GALNT10: variants seen among roughly 807,000 people sequenced by gnomAD.
GALNT10 encodes the protein GalNAc transferase 10.
In GALNT10, 41 loss-of-function variants were observed where a neutral mutation model predicts 75.0. The observed-to-expected ratio is 0.55, with a 90% CI of 0.43 to 0.71. The LOEUF (loss-of-function observed/expected upper bound fraction) is 0.71. Among genes scored for constraint, GALNT10 ranks in the 30% least tolerant of loss-of-function variants. The pLI, the probability that GALNT10 is intolerant of heterozygous loss-of-function variation, is 0.00. For synonymous variants in GALNT10, 302 were observed against 313.0 expected, an observed-to-expected ratio of 0.96 and a Z score of 0.37; for missense variants, 727 against 818.5, an observed-to-expected ratio of 0.89 and a Z score of 1.36.
In GALNT10 at chr5:154,253,785, TTCTC is replaced by T. The variant is rs1477941310; in HGVS notation, c.160-41026_160-41023del. On this transcript the variant is annotated intron_variant, in intron 1 of 11. Transcript: ENST00000297107. ...GCTTTCTTAGATTTCCTGGCTGTGT[TTCTC>T]TCTCCTACTTTTATCTGAAATTCCT... Among the ~76,000 whole-genome samples, 8 of 151,100 alleles carry T rather than the reference TTCTC, an allele frequency of 5.3e-5. No homozygotes were observed. The East Asian group carries it at 1.6e-3, about 30-fold the overall frequency.
intron 3 of GALNT10, among the ~76,000 whole-genome samples, chr5:154,312,095 T>C (rs1017730820): frequency 6.6e-6 from 1 of 152,154 alleles, no homozygotes; most frequent in African/African-American, 2.4e-5. Flanking sequence ...TCAGCAAAAT[T>C]GGTTACAGAG....
intron 1 of GALNT10, among the ~76,000 whole-genome samples, chr5:154,227,815 T>C (rs1340055610): frequency 6.6e-6 from 1 of 152,182 alleles, no homozygotes; most frequent in African/African-American, 2.4e-5. Context: ...AGATTTGTGA[T>C]CCATTTTGAG....
intron 1 of GALNT10, among the ~76,000 whole-genome samples, chr5:154,246,779 A>G (rs866617890): frequency 0.019 from 2,918 of 152,174 alleles, 79 homozygotes; most frequent in African/African-American, 0.066. Flanking sequence ...CTCTGATGGT[A>G]GTTTCTTTTG....
intron 5 of GALNT10, among the ~76,000 whole-genome samples, chr5:154,378,913 G>A (rs910881203): frequency 6.6e-6 from 1 of 151,416 alleles, no homozygotes; most frequent in Non-Finnish European, 1.5e-5. Flanking sequence ...TAAATGGGAG[G>A]CCCTACTCTA....
In GALNT10 at chr5:154,416,480, T is replaced by TGCAC. The variant is rs372126311; in HGVS notation, c.1654-334_1654-333insGCAC. Reference sequence around the variant, plus strand: ...AAATAAAAGATAAAAGGAAAGCACATACACACACACACACACACACACACA... The same window carrying TGCAC: ...AAATAAAAGATAAAAGGAAAGCACATGCACACACACACACACACACACACACACA... On this transcript the variant is annotated intron_variant, in intron 11 of 11. Coordinates refer to ENST00000297107, the MANE Select transcript of GALNT10 (RefSeq NM_198321.4). The surrounding 1 kb of genome is among the most constrained non-coding windows in gnomAD (Gnocchi z 4.5). 2.8e-5 allele frequency among the ~76,000 whole-genome samples: 4 copies of TGCAC among 141,828 alleles called. No individual in the cohort carries two copies. The East Asian group carries it at 8.3e-4, about 29-fold the overall frequency. The allele number at this position is 141,828 out of a possible 152,430, so 93.0% of individuals were successfully genotyped here. A position where few individuals can be genotyped will look rare whatever the true frequency, so the allele number is the denominator to read the frequency against.
chr5:154,308,226 C>A (rs1390021149), intron 3 of GALNT10, among the ~76,000 whole-genome samples: 1 of 151,718 alleles, frequency 6.6e-6, no homozygotes, highest in Non-Finnish European at 1.5e-5. Flanking sequence ...CCAACCATTG[C>A]GGCATTCAAA....
chr5:154,306,578 A>G (rs1374093026), intron 3 of GALNT10, among the ~76,000 whole-genome samples: 1 of 152,184 alleles, frequency 6.6e-6, no homozygotes, highest in Non-Finnish European at 1.5e-5. Flanking sequence ...GAAAAAAAGA[A>G]TGGTCTAAAA....
chr5:154,264,313 C>CAAA lies in GALNT10; in HGVS notation c.160-30488_160-30486dup, dbSNP rs372645621. ...GGGAGACAGAGCAAGACTCTGTCTC[C>CAAA]AAAAAAAAAAAAAAAAAGTGATTTG... is the stretch of plus-strand genomic sequence containing the variant. On this transcript the variant is annotated intron_variant, in intron 1 of 11. Coordinates refer to ENST00000297107, the MANE Select transcript of GALNT10 (RefSeq NM_198321.4). Among the ~76,000 whole-genome samples the CAAA allele has an allele frequency of 6.3e-4, 66 of 105,158 alleles. 1 individual carries two copies. In the East Asian group the frequency reaches 0.012, roughly 19 times the overall value. 69.0% of individuals were successfully genotyped at this position (105,158 alleles called of 152,430 possible). A position where few individuals can be genotyped will look rare whatever the true frequency, so the allele number is the denominator to read the frequency against.
At chr5:154,270,886 C>G (rs972857945) in intron 1 of GALNT10, among the ~76,000 whole-genome samples, 4 of 149,784 alleles carry the variant, frequency 2.7e-5, no homozygotes, top group African/African-American at 9.8e-5. Flanking sequence ...CCCAGCTACT[C>G]GGGAGGCTGA....
chr5:154,357,884 C>T (rs1459534133), intron 4 of GALNT10, among the ~76,000 whole-genome samples: 2 of 152,142 alleles, frequency 1.3e-5, no homozygotes, highest in Non-Finnish European at 2.9e-5. Flanking sequence ...CAAGGCTCAG[C>T]GTGCTCCACA....
At chr5:154,247,449 A>G (rs930573393) in intron 1 of GALNT10, among the ~76,000 whole-genome samples, 2 of 152,086 alleles carry the variant, frequency 1.3e-5, no homozygotes, top group African/African-American at 4.8e-5. Context: ...GTGAGCATGG[A>G]ATGTTCTTCT....
intron 1 of GALNT10, among the ~76,000 whole-genome samples, chr5:154,279,275 TTTGTTG>T (rs143621696): frequency 3.6e-4 from 53 of 146,292 alleles, no homozygotes; most frequent in African/African-American, 1.3e-3. Context: ...AATGCTAGTT[TTTGTTG>T]TTGTTGTTGT....
chr5:154,230,502 A>G (rs1381776117), intron 1 of GALNT10, among the ~76,000 whole-genome samples: 1 of 152,128 alleles, frequency 6.6e-6, no homozygotes, highest in African/African-American at 2.4e-5. Context: ...ATGCAGCAAG[A>G]CTTTCAAGGC....
chr5:154,272,935 A>G (rs1581949867), intron 1 of GALNT10, among the ~76,000 whole-genome samples: 1 of 85,058 alleles, frequency 1.2e-5, no homozygotes, highest in Admixed American at 1.6e-4. Context: ...TGAATTGTGT[A>G]CTCTAGACGG....
chr5:154,333,062 G>A (rs1186781289), intron 4 of GALNT10, among the ~76,000 whole-genome samples: 1 of 152,214 alleles, frequency 6.6e-6, no homozygotes, highest in Non-Finnish European at 1.5e-5. Context: ...CTCAGGAAAC[G>A]CTGTGAGAAG....
intron 3 of GALNT10, among the ~76,000 whole-genome samples, chr5:154,324,644 G>A (rs1754727216): frequency 6.6e-6 from 1 of 152,122 alleles, no homozygotes; most frequent in South Asian, 2.1e-4. Context: ...GGGCATCAAA[G>A]TCACCCAGGG....
chr5:154,381,246 A>G (rs1755731211), intron 6 of GALNT10, among the ~76,000 whole-genome samples: 2 of 152,164 alleles, frequency 1.3e-5, no homozygotes, highest in South Asian at 4.1e-4. Flanking sequence ...ACAGCATCCT[A>G]GAATGTGAAG....
intron 4 of GALNT10, chr5:154,356,074 T>A (rs1167524011): frequency 4.4e-6 from 2 of 454,474 alleles, no homozygotes; most frequent in Non-Finnish European, 8.8e-6. Context: ...TGGGAATGAA[T>A]TCTCAAATTG....
chr5:154,246,436 A>C (rs13183551), intron 1 of GALNT10, among the ~76,000 whole-genome samples: 2 of 151,926 alleles, frequency 1.3e-5, no homozygotes, highest in South Asian at 4.1e-4. Flanking sequence ...CAGTGCAAAA[A>C]TGTTCCTATT....
Sources: gnomAD v4.1 joint callset for allele counts (sites outside exome capture counted in the v4.1 genomes callset) on GRCh38, gnomAD v4.1.1 for gene constraint, Gnocchi (gnomAD v3.1) non-coding constraint, MANE v1.5 for transcripts, NCBI Gene and HGNC (gene_info 2026-07-23, HGNC 2026-07-21) for gene names.